FOXP2: variants seen among roughly 807,000 people sequenced by gnomAD.
FOXP2 encodes the protein forkhead box protein P2.
A neutral mutation model predicts 115.8 loss-of-function variants in FOXP2; 12 were observed. The observed-to-expected ratio is 0.10, with a 90% CI of 0.07 to 0.17. The LOEUF is 0.17. Among genes scored for constraint, FOXP2 ranks in the 10% least tolerant of loss-of-function variants. The pLI, the probability that FOXP2 is intolerant of heterozygous loss-of-function variation, is 1.00. For missense variants in FOXP2, 629 were observed against 843.5 expected (o/e 0.75, Z 3.15); for synonymous variants, 328 against 297.7 (o/e 1.10, Z -1.05).
intron 2 of FOXP2, among the ~76,000 whole-genome samples, chr7:114,382,304 C>G (rs1407256808): frequency 1.3e-5 from 2 of 152,174 alleles, no homozygotes; most frequent in Non-Finnish European, 1.5e-5. Flanking sequence ...AGGGTGATGG[C>G]ATGGGCTGGC....
At chr7:114,488,990 C>A (rs1353285200) in intron 2 of FOXP2, among the ~76,000 whole-genome samples, 1 of 152,080 alleles carries the variant, frequency 6.6e-6, no homozygotes, top group African/African-American at 2.4e-5. Flanking sequence ...CCACTGTGAT[C>A]TCTAAGATTT....
At position 114,318,710 on chromosome 7, in the gene FOXP2, C is replaced by CATATATAT. The variant is rs144291161; in HGVS notation, c.-11+30611_-11+30618dup. 8.9e-3 allele frequency among the ~76,000 whole-genome samples: 1,317 copies of CATATATAT among 147,370 alleles called. 12 individuals carry two copies. The highest frequency in any genetic ancestry group is 0.016 in the East Asian group (81 of 5,030). On this transcript the variant is annotated intron_variant, in intron 2 of 17. Coordinates refer to the FOXP2 transcript ENST00000634411. ...AACTATTTTGAGGATTTAGATAATTCATATATATATATATATACACACACA... is the reference window on the plus strand; with the variant it reads ...AACTATTTTGAGGATTTAGATAATTCATATATATATATATATATATATATACACACACA...
intron 1 of FOXP2, among the ~76,000 whole-genome samples, chr7:114,201,486 A>G (rs1794064370): frequency 6.6e-6 from 1 of 152,190 alleles, no homozygotes; most frequent in Non-Finnish European, 1.5e-5. Flanking sequence ...ATTTTTTTGT[A>G]AAATAATCAA....
chr7:114,529,718 C>T (rs1396982675), intron 2 of FOXP2, among the ~76,000 whole-genome samples: 4 of 151,742 alleles, frequency 2.6e-5, no homozygotes. Flanking sequence ...GCTACAGATG[C>T]ATAATTTCAC....
intron 2 of FOXP2, among the ~76,000 whole-genome samples, chr7:114,319,569 C>A (rs1252214486): frequency 6.6e-6 from 1 of 152,052 alleles, no homozygotes; most frequent in African/African-American, 2.4e-5. Context: ...GTGCAGAGAA[C>A]CTCCTGTTTT....
At chr7:114,264,853 C>T (rs974680568) in intron 1 of FOXP2, among the ~76,000 whole-genome samples, 4 of 151,894 alleles carry the variant, frequency 2.6e-5, no homozygotes, top group African/African-American at 7.3e-5. Flanking sequence ...AGAGAGTGTG[C>T]GGGGTGGGGA....
chr7:114,290,157 T>C (rs1327356199), intron 2 of FOXP2, among the ~76,000 whole-genome samples: 1 of 151,952 alleles, frequency 6.6e-6, no homozygotes, highest in East Asian at 1.9e-4. Flanking sequence ...TCTGCTCCCT[T>C]CCCCCTAGAA....
chr7:114,334,501 A>G (rs1415591190), intron 2 of FOXP2, among the ~76,000 whole-genome samples: 1 of 152,008 alleles, frequency 6.6e-6, no homozygotes, highest in Non-Finnish European at 1.5e-5. Context: ...TAAATTTAAC[A>G]TAGTTTCCAA....
chr7:114,248,098 A>G (rs751446730), intron 1 of FOXP2, among the ~76,000 whole-genome samples: 1 of 151,996 alleles, frequency 6.6e-6, no homozygotes, highest in African/African-American at 2.4e-5. Flanking sequence ...GAGGAGAGCC[A>G]GTGGTGTAAG....
rs574551935 is a variant in FOXP2, at chr7:114,147,795, A to G, written c.-246-15149A>G. ...CCTGCATCTTAAGAGTAAATAAGTC[A>G]ATGGGAATAACTCCCACCTTGAGTA... On this transcript the variant is annotated intron_variant, in intron 1 of 19. Transcript: ENST00000635638. Among the ~76,000 whole-genome samples, 4 of 152,300 alleles carry G rather than the reference A, an allele frequency of 2.6e-5. No individual in the cohort carries two copies. The East Asian group carries it at 7.7e-4, about 29-fold the overall frequency.
intron 1 of FOXP2, among the ~76,000 whole-genome samples, chr7:114,133,526 G>C (rs1791947519): frequency 6.6e-6 from 1 of 152,210 alleles, no homozygotes; most frequent in Non-Finnish European, 1.5e-5. Context: ...GCGTTCCACT[G>C]TTGATATTTT....
chr7:114,585,592 A>C (rs1051280521), intron 3 of FOXP2, among the ~76,000 whole-genome samples: 1 of 150,946 alleles, frequency 6.6e-6, no homozygotes, highest in African/African-American at 2.4e-5. Flanking sequence ...AAAGCCAGGC[A>C]TGGTGGCTCA....
intron 3 of FOXP2, among the ~76,000 whole-genome samples, chr7:114,594,700 G>A (rs989932310): frequency 6.6e-5 from 10 of 151,972 alleles, no homozygotes; most frequent in Middle Eastern, 3.2e-3. Context: ...TTTAAGCAAA[G>A]CCTATGTTCA....
In FOXP2 at chr7:114,247,790, C is replaced by T. The variant is rs138856514; in HGVS notation, c.-101-40229C>T. ...CACATTAAGAAATGCAATAATAGTA[C>T]GAAGGGGTGAATGAATAAAGAGTTT... On this transcript the variant is annotated intron_variant, in intron 1 of 17. Transcript: ENST00000634411. Among the ~76,000 whole-genome samples the T allele has an allele frequency of 3.8e-3, 573 of 152,078 alleles. 6 individuals carry two copies. Among genetic ancestry groups the T allele is most frequent in the African/African-American group, 0.013 (552 of 41,478 alleles).
At chr7:114,532,889 C>T (rs778394545) in intron 2 of FOXP2, among the ~76,000 whole-genome samples, 1 of 151,758 alleles carries the variant, frequency 6.6e-6, no homozygotes, top group Non-Finnish European at 1.5e-5. Flanking sequence ...GGAAAATTAT[C>T]ATTTGTAGTC....
Position 114,150,699 on chromosome 7 carries a change from A to G in FOXP2, c.-246-12245A>G, listed in dbSNP as rs973965890. ...ATATGATGTCTACTTTACCAAAGAA[A>G]ACTTTCAAAACTTCTTAAAATTGCA... On this transcript the variant is annotated intron_variant, in intron 1 of 19. Coordinates refer to the FOXP2 transcript ENST00000635638. 7.2e-5 allele frequency among the ~76,000 whole-genome samples: 11 copies of G among 152,062 alleles called. No homozygotes were observed. The South Asian group carries it at 8.3e-4, about 11-fold the overall frequency.
At chr7:114,310,837 A>T (rs571801991) in intron 2 of FOXP2, among the ~76,000 whole-genome samples, 9 of 152,246 alleles carry the variant, frequency 5.9e-5, no homozygotes, top group African/African-American at 1.7e-4. Flanking sequence ...AAGTTTATTA[A>T]AAAGCTCTCT....
intron 2 of FOXP2, among the ~76,000 whole-genome samples, chr7:114,486,604 C>G (rs200425143): frequency 6.6e-6 from 1 of 152,176 alleles, no homozygotes; most frequent in Non-Finnish European, 1.5e-5. Flanking sequence ...TGAGACAAGG[C>G]AAGTCCCTTC....
intron 3 of FOXP2, among the ~76,000 whole-genome samples, chr7:114,575,199 T>C (rs1801512537): frequency 2.0e-5 from 3 of 151,834 alleles, no homozygotes; most frequent in Admixed American, 2.0e-4. Flanking sequence ...GTTCTCAGTC[T>C]GTAAAATTAT....
Sources: allele counts gnomAD v4.1 joint callset (sites outside exome capture counted in the v4.1 genomes callset), GRCh38; gene constraint gnomAD v4.1.1; transcripts MANE v1.5; gene names NCBI Gene and HGNC (gene_info 2026-07-23, HGNC 2026-07-21).